NRG1: variants seen among roughly 807,000 people sequenced by gnomAD.
The protein encoded by NRG1 is neuregulin 1, also known as pro-neuregulin-1, membrane-bound isoform.
Under a neutral mutation model 63.8 loss-of-function variants are expected in NRG1, and 18 were observed. That is an observed-to-expected ratio of 0.28 (90% confidence interval 0.19 to 0.42). The LOEUF is 0.42. Ranked by LOEUF, NRG1 falls within the 10% of genes least tolerant of loss-of-function variation. NRG1 has a pLI of 1.00. For missense variants in NRG1, 762 were observed against 814.7 expected (o/e 0.94, Z 0.79); for synonymous variants, 302 against 301.3 (o/e 1.00, Z -0.02).
At chr8:31,933,244 T>A (rs1447771828) in intron 1 of NRG1, among the ~76,000 whole-genome samples, 1 of 152,034 alleles carries the variant, frequency 6.6e-6, no homozygotes, top group Non-Finnish European at 1.5e-5. Context: ...ACTCATTTGG[T>A]CCCCACAATA....
chr8:31,884,639 T>G (rs1830586566), intron 1 of NRG1, among the ~76,000 whole-genome samples: 1 of 152,156 alleles, frequency 6.6e-6, no homozygotes, highest in Admixed American at 6.6e-5. Context: ...TAAGCTGATC[T>G]GAAACACACA....
At chr8:32,748,356 C>CAGAGAGAGAGAGAG (rs1194142025) in intron 7 of NRG1, among the ~76,000 whole-genome samples, 1 of 81,002 alleles carries the variant, frequency 1.2e-5, no homozygotes, top group Non-Finnish European at 2.7e-5. Flanking sequence ...CACACACACA[C>CAGAGAGAGAGAGAG]ACAGAGAGAG....
At chr8:31,924,907 A>G (rs1834214711) in intron 1 of NRG1, among the ~76,000 whole-genome samples, 1 of 151,446 alleles carries the variant, frequency 6.6e-6, no homozygotes, top group African/African-American at 2.4e-5. Flanking sequence ...TTTGAAGATT[A>G]TGTAGTTATT....
At chr8:32,447,724 T>C (rs1587708572) in intron 1 of NRG1, among the ~76,000 whole-genome samples, 2 of 151,970 alleles carry the variant, frequency 1.3e-5, no homozygotes, top group East Asian at 3.9e-4. Context: ...TTTTTTAAAA[T>C]TAGTCGAGCA....
intron 1 of NRG1, among the ~76,000 whole-genome samples, chr8:32,044,158 C>G (rs1487892151): frequency 6.6e-6 from 1 of 151,530 alleles, no homozygotes; most frequent in South Asian, 2.1e-4. Flanking sequence ...GTTGCTATAT[C>G]AATATTAGAC....
chr8:31,762,161 A>G (rs1382430223), intron 1 of NRG1, among the ~76,000 whole-genome samples: 2 of 152,184 alleles, frequency 1.3e-5, no homozygotes, highest in Non-Finnish European at 2.9e-5. Context: ...TACATGTGAC[A>G]TGGTGGTTTG....
chr8:32,208,843 A>T (rs1003698873), intron 1 of NRG1, among the ~76,000 whole-genome samples: 2 of 152,186 alleles, frequency 1.3e-5, no homozygotes, highest in Non-Finnish European at 2.9e-5. Context: ...AAGAATATGG[A>T]TGTACCTCAA....
At chr8:32,097,337 T>G (rs189219177) in intron 1 of NRG1, among the ~76,000 whole-genome samples, 2 of 152,342 alleles carry the variant, frequency 1.3e-5, no homozygotes, top group Admixed American at 1.3e-4. Flanking sequence ...ATGTGCTTTT[T>G]TCCTTTTCTT....
At chr8:32,002,988 T>C (rs1813191074) in intron 1 of NRG1, among the ~76,000 whole-genome samples, 1 of 152,048 alleles carries the variant, frequency 6.6e-6, no homozygotes, top group African/African-American at 2.4e-5. Flanking sequence ...TGTATGCTTG[T>C]AGCTGAACAA....
chr8:31,933,857 A>G (rs1835063106), intron 1 of NRG1, among the ~76,000 whole-genome samples: 1 of 152,210 alleles, frequency 6.6e-6, no homozygotes, highest in South Asian at 2.1e-4. Flanking sequence ...AGTCAATAGT[A>G]ACATTGAATA....
chr8:32,312,707 T>C (rs12546943), intron 1 of NRG1, among the ~76,000 whole-genome samples: 123,373 of 151,836 alleles, frequency 0.81, 50,288 homozygotes, highest in African/African-American at 0.86. Context: ...TACAGTGATC[T>C]TTAATCATTT....
chr8:32,172,692 T>G (rs919988743), intron 1 of NRG1, among the ~76,000 whole-genome samples: 1 of 152,162 alleles, frequency 6.6e-6, no homozygotes, highest in Non-Finnish European at 1.5e-5. Context: ...ACGTGATGAA[T>G]GCACAAGCCT....
At chr8:31,693,817 G>A (rs569000537) in intron 1 of NRG1, among the ~76,000 whole-genome samples, 2 of 152,280 alleles carry the variant, frequency 1.3e-5, no homozygotes, top group Non-Finnish European at 2.9e-5. Context: ...GTTTCAGAGT[G>A]CATACAACAT....
chr8:32,412,270 C>T (rs963366664), intron 1 of NRG1, among the ~76,000 whole-genome samples: 3 of 151,828 alleles, frequency 2.0e-5, no homozygotes, highest in Admixed American at 2.0e-4. Context: ...GGTTCTCAGG[C>T]CTTCAGATTT....
chr8:32,556,781 G>C (rs1298877010), intron 1 of NRG1, among the ~76,000 whole-genome samples: 1 of 152,036 alleles, frequency 6.6e-6, no homozygotes, highest in African/African-American at 2.4e-5. Flanking sequence ...TCATCCCTTT[G>C]TTGCATATAA....
intron 1 of NRG1, among the ~76,000 whole-genome samples, chr8:31,801,317 T>A (rs1432714003): frequency 6.6e-6 from 1 of 152,232 alleles, no homozygotes; most frequent in Non-Finnish European, 1.5e-5. Flanking sequence ...TGATTTTTGA[T>A]TTTTAAGTTG....
chr8:32,020,239 T>G (rs544490405), intron 1 of NRG1, among the ~76,000 whole-genome samples: 2 of 152,332 alleles, frequency 1.3e-5, no homozygotes, highest in East Asian at 3.9e-4. Context: ...GATTTATTCC[T>G]AAGTATTTGT....
At chr8:32,150,303 G>C (rs1837362489) in intron 1 of NRG1, among the ~76,000 whole-genome samples, 1 of 152,200 alleles carries the variant, frequency 6.6e-6, no homozygotes, top group Non-Finnish European at 1.5e-5. Flanking sequence ...TGTAGCTACA[G>C]GGACAAGAAG....
chr8:32,125,801 A>G (rs1833998763), intron 1 of NRG1, among the ~76,000 whole-genome samples: 1 of 151,916 alleles, frequency 6.6e-6, no homozygotes, highest in African/African-American at 2.4e-5. Flanking sequence ...CCTCTCCAAC[A>G]TATCTTCCTG....
Sources: allele counts gnomAD v4.1 joint callset (sites outside exome capture counted in the v4.1 genomes callset), GRCh38; gene constraint gnomAD v4.1.1; transcripts MANE v1.5; gene names NCBI Gene and HGNC (gene_info 2026-07-23, HGNC 2026-07-21).